TMEM132D: variants seen among roughly 807,000 people sequenced by gnomAD.
The protein encoded by TMEM132D is mature OL transmembrane protein.
Under a neutral mutation model 62.3 loss-of-function variants are expected in TMEM132D, and 21 were observed. The ratio of observed to expected loss-of-function variants is 0.34; its 90% confidence interval spans 0.24 to 0.49. TMEM132D has a LOEUF of 0.49. TMEM132D is among the 20% of genes least tolerant of loss of function. TMEM132D has a pLI of 0.99. For missense variants in TMEM132D, 1,346 were observed against 1,402.8 expected (o/e 0.96, Z 0.65); for synonymous variants, 621 against 575.6 (o/e 1.08, Z -1.13).
Position 129,594,862 on chromosome 12 carries a change from T to C in TMEM132D, c.969-63657A>G, listed in dbSNP as rs560276314. 2.6e-5 allele frequency among the ~76,000 whole-genome samples: 4 copies of C among 152,310 alleles called. No individual in the cohort carries two copies. The East Asian group carries it at 7.7e-4, about 29-fold the overall frequency. On this transcript the variant is annotated intron_variant, in intron 2 of 8. Transcript: ENST00000422113. ...TGAGAAGGCTTGCAATATCTGGGAC[T>C]ACCGCTCAGTTTGTGGAAATACCAC...
intron 4 of TMEM132D, among the ~76,000 whole-genome samples, chr12:129,283,893 C>A (rs1311202114): frequency 1.3e-5 from 2 of 152,242 alleles, no homozygotes; most frequent in Admixed American, 6.5e-5. Flanking sequence ...AGCTAACTTC[C>A]CCCTGACCCC....
chr12:129,085,931 G>C (rs1439373161), intron 5 of TMEM132D: 7 of 152,198 alleles, frequency 4.6e-5, no homozygotes, highest in Non-Finnish European at 7.3e-5. Context: ...ACATGTCTTC[G>C]GGAGAGTGTG....
At chr12:129,701,955 C>G (rs1881395969) in intron 1 of TMEM132D, among the ~76,000 whole-genome samples, 1 of 152,324 alleles carries the variant, frequency 6.6e-6, no homozygotes, top group Admixed American at 6.5e-5. Context: ...AGGGGTCCTG[C>G]TCCCGGCTTT....
At chr12:129,321,841 G>A (rs1868723924) in intron 4 of TMEM132D, among the ~76,000 whole-genome samples, 1 of 152,242 alleles carries the variant, frequency 6.6e-6, no homozygotes, top group African/African-American at 2.4e-5. Flanking sequence ...TTACAGGCGT[G>A]AGCCACTGCA....
intron 5 of TMEM132D, among the ~76,000 whole-genome samples, chr12:129,123,611 G>A (rs1227029874): frequency 2.0e-5 from 3 of 152,130 alleles, no homozygotes; most frequent in Admixed American, 1.3e-4. Flanking sequence ...CAACTTGACT[G>A]GGTTAAGGGA....
intron 2 of TMEM132D, among the ~76,000 whole-genome samples, chr12:129,664,845 T>C (rs1236657555): frequency 6.6e-6 from 1 of 152,136 alleles, no homozygotes; most frequent in East Asian, 1.9e-4. Flanking sequence ...ACCCAACCCC[T>C]GGACACAAAA....
At chr12:129,900,920 T>G (rs1164088827) in intron 1 of TMEM132D, among the ~76,000 whole-genome samples, 6 of 152,238 alleles carry the variant, frequency 3.9e-5, no homozygotes, top group African/African-American at 1.4e-4. Context: ...TATGTTTATT[T>G]GTTTTTAAAA....
intron 3 of TMEM132D, among the ~76,000 whole-genome samples, chr12:129,409,848 G>A (rs890030954): frequency 1.3e-5 from 2 of 152,186 alleles, no homozygotes; most frequent in Non-Finnish European, 2.9e-5. Context: ...GCTGCATCAT[G>A]CTTGCATGAG....
At position 129,371,243 on chromosome 12, in the gene TMEM132D, G is replaced by A. The variant is rs1261239269; in HGVS notation, c.1116-33426C>T. 4.6e-5 allele frequency among the ~76,000 whole-genome samples: 7 copies of A among 152,176 alleles called. No individual in the cohort carries two copies. Among genetic ancestry groups the A allele is most frequent in the African/African-American group, 1.7e-4 (7 of 41,448 alleles). On this transcript the variant is annotated intron_variant, in intron 3 of 8. Coordinates refer to ENST00000422113, the MANE Select transcript of TMEM132D (RefSeq NM_133448.3). This position sits in a 1 kb window ranked among gnomAD's most constrained non-coding sequence, Gnocchi z 4.3. ...AAATTATTGTTGTTACTGTGGTGAT[G>A]ATGGTGGCAGTGATGATGATGATGA...
intron 4 of TMEM132D, among the ~76,000 whole-genome samples, chr12:129,306,919 A>G (rs1881859000): frequency 6.6e-6 from 1 of 152,240 alleles, no homozygotes; most frequent in South Asian, 2.1e-4. Context: ...AAGCGGGAAC[A>G]TGAGCAGTTC....
chr12:129,213,527 A>G (rs1879113173), intron 4 of TMEM132D, among the ~76,000 whole-genome samples: 1 of 151,980 alleles, frequency 6.6e-6, no homozygotes, highest in African/African-American at 2.4e-5. Context: ...AAACAAAACA[A>G]AAAAACCTAG....
At chr12:129,841,741 G>A (rs1369155943) in intron 1 of TMEM132D, among the ~76,000 whole-genome samples, 1 of 152,142 alleles carries the variant, frequency 6.6e-6, no homozygotes, top group Non-Finnish European at 1.5e-5. Flanking sequence ...GTATTTAAAT[G>A]AGAATGTCCT....
At chr12:129,401,321 C>T (rs1484692193) in intron 3 of TMEM132D, among the ~76,000 whole-genome samples, 1 of 152,188 alleles carries the variant, frequency 6.6e-6, no homozygotes, top group African/African-American at 2.4e-5. Context: ...AATCCCAACA[C>T]ATGAAGAGGC....
intron 5 of TMEM132D, among the ~76,000 whole-genome samples, chr12:129,184,840 G>A (rs1323033111): frequency 6.6e-6 from 1 of 150,940 alleles, no homozygotes; most frequent in African/African-American, 2.4e-5. Context: ...GGGTTCCAGG[G>A]GAAAGAAAGG....
chr12:129,405,509 G>A (rs974821040), intron 3 of TMEM132D, among the ~76,000 whole-genome samples: 1 of 152,158 alleles, frequency 6.6e-6, no homozygotes. Flanking sequence ...GGGGCAAGCA[G>A]GCTGTGGGTC....
chr12:129,786,048 CTG>C (rs1871240088), intron 1 of TMEM132D, among the ~76,000 whole-genome samples: 1 of 152,184 alleles, frequency 6.6e-6, no homozygotes, highest in African/African-American at 2.4e-5. Context: ...ACTCAAATGA[CTG>C]TGTGTCAAAT....
At chr12:129,254,923 G>T (rs1443505484) in intron 4 of TMEM132D, among the ~76,000 whole-genome samples, 1 of 152,300 alleles carries the variant, frequency 6.6e-6, no homozygotes, top group East Asian at 1.9e-4. Context: ...CTCATGTCAA[G>T]TTGTAATCCC....
At chr12:129,223,783 T>C (rs1184023549) in intron 4 of TMEM132D, among the ~76,000 whole-genome samples, 1 of 152,244 alleles carries the variant, frequency 6.6e-6, no homozygotes, top group African/African-American at 2.4e-5. Context: ...AACGTCTACA[T>C]TGTGTTCTGA....
intron 3 of TMEM132D, among the ~76,000 whole-genome samples, chr12:129,513,550 T>C (rs1441907285): frequency 2.0e-5 from 3 of 152,014 alleles, no homozygotes; most frequent in African/African-American, 4.8e-5. Context: ...AGTGGCGCGA[T>C]CTCGGCTCAC....
Sources: gnomAD v4.1 joint callset for allele counts (sites outside exome capture counted in the v4.1 genomes callset) on GRCh38, gnomAD v4.1.1 for gene constraint, Gnocchi (gnomAD v3.1) non-coding constraint, MANE v1.5 for transcripts, NCBI Gene and HGNC (gene_info 2026-07-23, HGNC 2026-07-21) for gene names.